The following PRKG1 variants were observed in gnomAD, a reference collection of about 807,000 sequenced individuals.
PRKG1 encodes cGMP-dependent protein kinase 1.
A neutral mutation model predicts 88.1 loss-of-function variants in PRKG1; 35 were observed. The ratio of observed to expected loss-of-function variants is 0.40; its 90% CI spans 0.30 to 0.53. PRKG1 has a LOEUF of 0.53. PRKG1 is among the 20% of genes least tolerant of loss of function. The pLI, the probability that PRKG1 is intolerant of heterozygous loss-of-function variation, is 0.59. For missense variants in PRKG1, 540 were observed against 839.8 expected, an observed-to-expected ratio of 0.64 and a Z score of 4.41; for synonymous variants, 303 against 292.5, an observed-to-expected ratio of 1.04 and a Z score of -0.37.
At chr10:51,040,282 A>T (rs1476422375) in intron 1 of PRKG1, among the ~76,000 whole-genome samples, 575 of 36,588 alleles carry the variant, frequency 0.016, no homozygotes, top group Non-Finnish European at 0.018. Context: ...GACCTCTTTA[A>T]TTTCTTTCTT....
rs139227021 is a variant in PRKG1, at chr10:51,074,722, C to T, written c.132C>T (p.Asn44=). The T allele has an allele frequency of 5.6e-6, 9 of 1,613,890 alleles. No individual in the cohort carries two copies. In the African/African-American group the frequency reaches 1.2e-4, roughly 22 times the overall value. ...ACGAACTGATCCAGAAGCTGCAGAACGAGCTGGACAAGTACCGCTCGGTGA... is the reference window on the plus strand; with the variant it reads ...ACGAACTGATCCAGAAGCTGCAGAATGAGCTGGACAAGTACCGCTCGGTGA... ...QKDELIQKLQ[N]ELDKYRSVIR... The change falls in exon 1 of 18, where the codon AAC becomes AAT. Residue 44 remains asparagine, a synonymous_variant. Coordinates refer to ENST00000373980, the MANE Select transcript of PRKG1 (RefSeq NM_006258.4).
rs1457134141 is a variant in PRKG1 at position 52,224,836 on chromosome 10, T to TATATATATATATATATAC, written c.1077-26731_1077-26730insTATATATATATATACATA. Among the ~76,000 whole-genome samples, 48 of 89,822 alleles carry TATATATATATATATATAC rather than the reference T, an allele frequency of 5.3e-4. 1 individual carries two copies. Among genetic ancestry groups the TATATATATATATATATAC allele is most frequent in the South Asian group, 3.1e-3 (7 of 2,272 alleles). 58.9% of individuals were successfully genotyped at this position (89,822 alleles called of 152,430 possible). Reference sequence around the variant, plus strand: ...ATATATATATATATATATATATATATATACATACATACATACATATCTCAC... The same window carrying TATATATATATATATATAC: ...ATATATATATATATATATATATATATATATATATATATATATACATACATACATACATACATATCTCAC... On this transcript the variant is annotated intron_variant, in intron 9 of 17. Coordinates refer to ENST00000373980, the MANE Select transcript of PRKG1 (RefSeq NM_006258.4).
intron 5 of PRKG1, among the ~76,000 whole-genome samples, chr10:51,959,217 T>A (rs559724068): frequency 6.6e-5 from 10 of 152,276 alleles, no homozygotes; most frequent in Admixed American, 2.0e-4. Context: ...TGTGATAGTG[T>A]TATGTGAGAA....
chr10:51,572,158 T>C (rs1025433201), intron 3 of PRKG1, among the ~76,000 whole-genome samples: 11 of 152,054 alleles, frequency 7.2e-5, no homozygotes, highest in Middle Eastern at 3.4e-3. Flanking sequence ...TGTAAATTTC[T>C]GAGTAAAACA....
chr10:52,231,327 G>A (rs2132351919), intron 9 of PRKG1: 2 of 152,266 alleles, frequency 1.3e-5, no homozygotes, highest in Non-Finnish European at 2.9e-5. Context: ...CTTGAGCCCA[G>A]GAGATCAAGG....
intron 1 of PRKG1, among the ~76,000 whole-genome samples, chr10:51,043,066 T>A (rs1843444885): frequency 6.6e-6 from 1 of 152,138 alleles, no homozygotes; most frequent in African/African-American, 2.4e-5. Context: ...TGTTATAGCA[T>A]CCCCAATAGA....
At chr10:51,414,534 T>G (rs1422465501) in intron 2 of PRKG1, among the ~76,000 whole-genome samples, 1 of 152,242 alleles carries the variant, frequency 6.6e-6, no homozygotes, top group African/African-American at 2.4e-5. Context: ...TGGAGTCATT[T>G]TGGGGGAATG....
At chr10:51,292,944 T>G (rs1208040968) in intron 2 of PRKG1, among the ~76,000 whole-genome samples, 1 of 152,158 alleles carries the variant, frequency 6.6e-6, no homozygotes, top group Non-Finnish European at 1.5e-5. Flanking sequence ...TTTGGAGGAT[T>G]GCAATTTGCT....
At chr10:51,015,194 C>T (rs1457785977) in intron 1 of PRKG1, among the ~76,000 whole-genome samples, 2 of 152,200 alleles carry the variant, frequency 1.3e-5, no homozygotes, top group Admixed American at 1.3e-4. Context: ...AATGCCTTTA[C>T]TGAATTGTGA....
intron 2 of PRKG1, among the ~76,000 whole-genome samples, chr10:51,318,495 GA>G (rs1367959772): frequency 1.3e-5 from 2 of 152,086 alleles, no homozygotes; most frequent in African/African-American, 4.8e-5. Context: ...GATTATGTAA[GA>G]ATAAATAAGT....
At position 51,511,243 on chromosome 10, in the gene PRKG1, A is replaced by T. The variant is rs138650892; in HGVS notation, c.592+43407A>T. Among the ~76,000 whole-genome samples the T allele has an allele frequency of 3.6e-3, 555 of 152,280 alleles. 3 individuals are homozygous for T. The highest frequency in any genetic ancestry group is 0.012 in the African/African-American group (515 of 41,562). On this transcript the variant is annotated intron_variant, in intron 3 of 17. Coordinates refer to ENST00000373980, the MANE Select transcript of PRKG1 (RefSeq NM_006258.4). ...GTTGCGGGGGATCAGGCCTGAATGC[A>T]TCATCAAATATACACCAAGATTCAG...
rs563801131 is a variant in PRKG1, at chr10:51,918,761, C to A, written c.762+11191C>A. Among the ~76,000 whole-genome samples the A allele has an allele frequency of 1.6e-3, 247 of 152,250 alleles. 3 individuals carry two copies. Among genetic ancestry groups the A allele is most frequent in the Admixed American group, 3.0e-3 (46 of 15,280 alleles). ...CATTTGATAGCATCTGAGCAGATCA[C>A]GATGAGCTCCAAATTCCTTTTACAG... On this transcript the variant is annotated intron_variant, in intron 5 of 17. Coordinates refer to ENST00000373980, the MANE Select transcript of PRKG1 (RefSeq NM_006258.4).
chr10:51,159,710 G>A (rs1041735287), intron 2 of PRKG1, among the ~76,000 whole-genome samples: 2 of 152,044 alleles, frequency 1.3e-5, no homozygotes, highest in Non-Finnish European at 2.9e-5. Flanking sequence ...TAATATACTT[G>A]AGCAAGTTCA....
intron 3 of PRKG1, among the ~76,000 whole-genome samples, chr10:51,710,937 C>G (rs575690868): frequency 6.6e-6 from 1 of 152,148 alleles, no homozygotes; most frequent in Non-Finnish European, 1.5e-5. Flanking sequence ...CTCAAGCAAG[C>G]CTCCCATCTC....
intron 2 of PRKG1, among the ~76,000 whole-genome samples, chr10:51,166,213 T>TAA (rs59483704): frequency 7.1e-6 from 1 of 140,310 alleles, no homozygotes. Context: ...TAAAGCCACT[T>TAA]AAAAAAAAAA....
chr10:51,107,552 G>T (rs1453228414), intron 1 of PRKG1, among the ~76,000 whole-genome samples: 1 of 151,928 alleles, frequency 6.6e-6, no homozygotes, highest in Non-Finnish European at 1.5e-5. Flanking sequence ...TAAAACTGAT[G>T]AACCTCATCT....
intron 2 of PRKG1, among the ~76,000 whole-genome samples, chr10:51,450,787 G>A (rs1424428886): frequency 1.3e-5 from 2 of 151,670 alleles, no homozygotes; most frequent in Non-Finnish European, 2.9e-5. Context: ...TGGCAGTGGT[G>A]TAGAGAAGGA....
chr10:51,945,411 T>G (rs1477399754), intron 5 of PRKG1, among the ~76,000 whole-genome samples: 1 of 151,084 alleles, frequency 6.6e-6, no homozygotes, highest in Non-Finnish European at 1.5e-5. Context: ...CTTTATCCAA[T>G]TTGCCAGTCT....
chr10:51,303,814 C>T (rs566803920), intron 2 of PRKG1, among the ~76,000 whole-genome samples: 34 of 150,848 alleles, frequency 2.3e-4, no homozygotes, highest in Admixed American at 8.6e-4. Context: ...TATATATATA[C>T]ACACACACAC....
Sources: allele counts gnomAD v4.1 joint callset (sites outside exome capture counted in the v4.1 genomes callset), GRCh38; gene constraint gnomAD v4.1.1; transcripts MANE v1.5; gene names NCBI Gene and HGNC (gene_info 2026-07-23, HGNC 2026-07-21).